The following GCA variants were observed in gnomAD, a reference collection of about 807,000 sequenced individuals.
The protein encoded by GCA is grancalcin, EF-hand calcium-binding protein.
Under a neutral mutation model 32.6 loss-of-function variants are expected in GCA, and 30 were observed. That is an observed-to-expected ratio of 0.92 (90% confidence interval 0.69 to 1.25). GCA has a LOEUF of 1.25. Ranked by LOEUF, GCA falls within the 50% of genes most tolerant of loss-of-function variation. The probability of loss-of-function intolerance (pLI) is 0.00; values close to 1 mark genes in which losing one functional copy is unlikely to be tolerated. For missense variants in GCA, 291 were observed against 266.8 expected (o/e 1.09, Z -0.63); for synonymous variants, 102 against 84.6 (o/e 1.21, Z -1.13).
At chr2:162,347,364 C>G (rs1684761645) in intron 1 of GCA, among the ~76,000 whole-genome samples, 1 of 152,030 alleles carries the variant, frequency 6.6e-6, no homozygotes, top group African/African-American at 2.4e-5. Flanking sequence ...TTCTTTTATA[C>G]TTCTTTTAAT....
chr2:162,366,534 G>A (rs1685754724), downstream of GCA, among the ~76,000 whole-genome samples: 1 of 151,706 alleles, frequency 6.6e-6, no homozygotes, highest in Non-Finnish European at 1.5e-5. Context: ...ACATTTAACC[G>A]AAGTGTGTTT....
Position 162,359,070 on chromosome 2 carries a change from A to T in GCA, c.481A>T (p.Thr161Ser). ...TTATAGGTTGAGTCCTCAAACATTAACTACTATTGTTAAACGTTATAGCAA... is the reference window on the plus strand; with the variant it reads ...TTATAGGTTGAGTCCTCAAACATTATCTACTATTGTTAAACGTTATAGCAA... ...MGYRLSPQTLTTIVKRYSKNG... is the reference protein window; with the variant it reads ...MGYRLSPQTLSTIVKRYSKNG... The change falls in exon 6 of 8, where the codon ACT (threonine) becomes TCT (serine). Residue 161 changes from threonine to serine, a missense_variant. By Grantham distance (58) the Thr-to-Ser change is moderately conservative (BLOSUM62 1). Transcript: ENST00000437150. The T allele has an allele frequency of 6.3e-7, 1 of 1,588,142 alleles. No homozygotes were observed. The highest frequency in any genetic ancestry group is 2.2e-5 in the East Asian group (1 of 44,548).
chr2:162,344,329 C>T, intron 1 of GCA, 54 bp downstream of exon 1: 2 of 1,574,538 alleles, frequency 1.3e-6, no homozygotes, highest in South Asian at 1.1e-5. Flanking sequence ...GTGGCGCCCC[C>T]GGGGGCGGTG....
intron 4 of GCA, among the ~76,000 whole-genome samples, chr2:162,368,936 C>A (rs982786571): frequency 3.9e-5 from 6 of 152,066 alleles, no homozygotes; most frequent in Admixed American, 3.9e-4. Flanking sequence ...TGTTTCAGCT[C>A]TTTGCCCAGC....
upstream of GCA, among the ~76,000 whole-genome samples, chr2:162,342,929 A>G (rs1279134006): frequency 2.0e-5 from 3 of 152,210 alleles, no homozygotes; most frequent in African/African-American, 7.2e-5. Context: ...TATGCCAATA[A>G]TTTAACCTTA....
intron 1 of GCA, chr2:162,344,507 G>T (rs1344488021): frequency 1.8e-6 from 1 of 565,004 alleles, no homozygotes; most frequent in Admixed American, 3.1e-5. Context: ...GAGCGTCCTG[G>T]TGGAGCCGAG....
At position 162,359,164 on chromosome 2, in the gene GCA, A is replaced by G; in HGVS notation, c.568+7A>G. The G allele has an allele frequency of 6.9e-7, 1 of 1,440,744 alleles. No individual in the cohort carries two copies. Among genetic ancestry groups the G allele is most frequent in the Non-Finnish European group, 9.8e-7 (1 of 1,024,108 alleles). 89.2% of individuals were successfully genotyped at this position (1,440,744 alleles called of 1,614,324 possible). A position where few individuals can be genotyped will look rare whatever the true frequency, so the allele number is the denominator to read the frequency against. On this transcript the variant is annotated splice_region_variant and intron_variant, in intron 6 of 7. Coordinates refer to ENST00000437150, the MANE Select transcript of GCA (RefSeq NM_012198.5). ...AAGCTTCGAGCATTGACAGGTATTG[A>G]CTATTTAAAACTAAGTGCACAGTGT... is the stretch of plus-strand genomic sequence containing the variant.
chr2:162,350,724 C>CTTTCCTTAAT (rs1023862746), intron 2 of GCA, among the ~76,000 whole-genome samples: 2 of 152,160 alleles, frequency 1.3e-5, no homozygotes, highest in African/African-American at 4.8e-5. Flanking sequence ...CTATTTGATA[C>CTTTCCTTAAT]TTTCCTTAAA....
chr2:162,332,703 A>ACTCCACAGTGAACCC (rs1558886653), intron 1 of GCA, among the ~76,000 whole-genome samples: 1 of 152,160 alleles, frequency 6.6e-6, no homozygotes, highest in African/African-American at 2.4e-5. Flanking sequence ...GGAGTTTCTT[A>ACTCCACAGTGAACCC]TACTTTTACC....
rs750318325 is a variant in GCA at position 162,359,070 on chromosome 2, A to G, written c.481A>G (p.Thr161Ala). The change falls in exon 6 of 8, where the codon ACT becomes GCT. Residue 161 changes from threonine to alanine, a missense_variant. By Grantham distance (58) the Thr-to-Ala change is moderately conservative. Coordinates refer to ENST00000437150, the MANE Select transcript of GCA (RefSeq NM_012198.5). ...MGYRLSPQTL[T>A]TIVKRYSKNG... ...TTATAGGTTGAGTCCTCAAACATTA[A>G]CTACTATTGTTAAACGTTATAGCAA... is the stretch of plus-strand genomic sequence containing the variant. The G allele has an allele frequency of 2.3e-5, 36 of 1,588,142 alleles. 1 individual carries two copies. In the East Asian group the frequency reaches 8.1e-4, roughly 36 times the overall value.
intron 2 of GCA, among the ~76,000 whole-genome samples, chr2:162,350,953 ATCTGACTTAGGTATAC>A (rs1203581604): frequency 6.6e-6 from 1 of 152,172 alleles, no homozygotes; most frequent in Non-Finnish European, 1.5e-5. Context: ...CAGGTGCAAC[ATCTGACTTAGGTATAC>A]TGCTCCTGGA....
At chr2:162,354,801 A>C (rs1412841482) in intron 3 of GCA, among the ~76,000 whole-genome samples, 4 of 151,974 alleles carry the variant, frequency 2.6e-5, no homozygotes, top group Non-Finnish European at 4.4e-5. Context: ...TTTTTCTCTA[A>C]AGTTTTATGC....
At chr2:162,373,530 C>T, downstream of GCA, 1 of 1,588,726 alleles carries the variant, frequency 6.3e-7, no homozygotes, top group Non-Finnish European at 8.6e-7. Flanking sequence ...GACTGGTTCT[C>T]ATCAGCTGGA....
In GCA at chr2:162,361,506, C is replaced by A; in HGVS notation, c.*1263C>A. On this transcript the variant is annotated 3_prime_UTR_variant, in exon 8 of 8. Transcript: ENST00000437150. Reference sequence around the variant, plus strand: ...AATTAATTTATAGATTTTATAAAATCCCATGTTTCTTAATGGATGGAGGAT... The same window carrying A: ...AATTAATTTATAGATTTTATAAAATACCATGTTTCTTAATGGATGGAGGAT... 1 of 975,342 alleles carries A rather than the reference C, an allele frequency of 1.0e-6. No individual in the cohort carries two copies. The allele number at this position is 975,342 out of a possible 1,614,324, so 60.4% of individuals were successfully genotyped here. A position where few individuals can be genotyped will look rare whatever the true frequency, so the allele number is the denominator to read the frequency against.
chr2:162,344,417 T>A, intron 1 of GCA, 142 bp downstream of exon 1: 1 of 772,480 alleles, frequency 1.3e-6, no homozygotes, highest in Admixed American at 2.3e-5. Context: ...TCCGGGGCTG[T>A]TGGGGGCCAG....
chr2:162,356,905 G>T lies in GCA; in HGVS notation c.454G>T (p.Gly152Cys). Residue 152 changes from glycine (G) to cysteine (C), a missense_variant and splice_region_variant, in exon 5 of 8, where the codon GGT (glycine) becomes TGT (cysteine). Physicochemically the swap from Gly to Cys is radical, Grantham distance 159. Coordinates refer to ENST00000437150, the MANE Select transcript of GCA (RefSeq NM_012198.5). ...HELRQAIGLMGYRLSPQTLTT... is the reference protein window; with the variant it reads ...HELRQAIGLMCYRLSPQTLTT... Reference sequence around the variant, plus strand: ...GTTGCGTCAAGCCATTGGTCTTATGGGTAAGAACATTAACATTCTTTAGAA... The same window carrying T: ...GTTGCGTCAAGCCATTGGTCTTATGTGTAAGAACATTAACATTCTTTAGAA... 1 of 1,587,394 alleles carries T rather than the reference G, an allele frequency of 6.3e-7. No individual in the cohort carries two copies. Among genetic ancestry groups the T allele is most frequent in the Non-Finnish European group, 8.6e-7 (1 of 1,160,590 alleles).
At chr2:162,325,523 TG>T (rs1186212600) in intron 1 of GCA, among the ~76,000 whole-genome samples, 3 of 152,148 alleles carry the variant, frequency 2.0e-5, no homozygotes, top group African/African-American at 7.2e-5. Flanking sequence ...AGGAAGGCAG[TG>T]GGATTTTCAT....
chr2:162,344,503 C>T (rs753227962), intron 1 of GCA: 2 of 564,558 alleles, frequency 3.5e-6, no homozygotes, highest in Non-Finnish European at 6.4e-6. Flanking sequence ...CGAGGAGCGT[C>T]CTGGTGGAGC....
intron 1 of GCA, among the ~76,000 whole-genome samples, chr2:162,334,707 G>A (rs888010017): frequency 1.3e-5 from 2 of 152,146 alleles, no homozygotes; most frequent in African/African-American, 4.8e-5. Flanking sequence ...AGCTTCACAA[G>A]GACAGGCAAC....
Sources: allele counts gnomAD v4.1 joint callset (sites outside exome capture counted in the v4.1 genomes callset), GRCh38; gene constraint gnomAD v4.1.1; transcripts MANE v1.5; gene names NCBI Gene and HGNC (gene_info 2026-07-23, HGNC 2026-07-21).